The following RBPJ variants were observed in gnomAD, a reference collection of about 807,000 sequenced individuals.
RBPJ encodes the protein recombining binding protein suppressor of hairless.
In RBPJ, 9 loss-of-function variants were observed where a neutral mutation model predicts 67.8. The observed-to-expected ratio is 0.13, with a 90% CI of 0.08 to 0.23. The LOEUF (loss-of-function observed/expected upper bound fraction) is 0.23. Among genes scored for constraint, RBPJ ranks in the 10% least tolerant of loss-of-function variants. The pLI is 1.00. For synonymous variants in RBPJ, 198 were observed against 203.3 expected, an observed-to-expected ratio of 0.97 and a Z score of 0.22; for missense variants, 305 against 595.6, an observed-to-expected ratio of 0.51 and a Z score of 5.08.
chr4:26,352,031 G>A (rs1278071725), intron 1 of RBPJ, among the ~76,000 whole-genome samples: 1 of 152,128 alleles, frequency 6.6e-6, no homozygotes, highest in Non-Finnish European at 1.5e-5. Context: ...TGATCTTTGT[G>A]TATTTAAATT....
At chr4:26,397,247 T>G (rs896981030) in intron 2 of RBPJ, among the ~76,000 whole-genome samples, 9 of 152,166 alleles carry the variant, frequency 5.9e-5, no homozygotes, top group African/African-American at 1.9e-4. Context: ...TGAGGCAGTG[T>G]AAAAGGCGAG....
intron 1 of RBPJ, among the ~76,000 whole-genome samples, chr4:26,243,213 G>GCAAAAAAACTCCGTCT (rs1427182897): frequency 1.6e-4 from 24 of 152,096 alleles, no homozygotes; most frequent in African/African-American, 5.8e-4. Context: ...GGCAACAAGA[G>GCAAAAAAACTCCGTCT]CAAAAAAACT....
Position 26,386,337 on chromosome 4 carries a change from ATT to A in RBPJ, c.21-6_21-5del, listed in dbSNP as rs56122711. 7.1e-4 allele frequency: 1,010 copies of A among 1,424,838 alleles called. No individual in the cohort carries two copies. Among genetic ancestry groups the A allele is most frequent in the Admixed American group, 2.2e-3 (117 of 52,136 alleles). The allele number at this position is 1,424,838 out of a possible 1,614,324, so 88.3% of individuals were successfully genotyped here. A position where few individuals can be genotyped will look rare whatever the true frequency, so the allele number is the denominator to read the frequency against. ...AAGCTTACTTAACTTTATTTTCTTT[ATT>A]TTTTTTTTTCCAGGAAATTTGGTGA... is the stretch of plus-strand genomic sequence containing the variant. On this transcript the variant is annotated splice_polypyrimidine_tract_variant and intron_variant, in intron 1 of 10. Transcript: ENST00000355476.
intron 3 of RBPJ, 113 bp downstream of exon 3, chr4:26,406,383 A>G: frequency 1.5e-6 from 1 of 666,642 alleles, no homozygotes; most frequent in Non-Finnish European, 2.7e-6. Flanking sequence ...ATTTGCTAGT[A>G]CAAAATAAAA....
At position 26,222,015 on chromosome 4, in the gene RBPJ, C is replaced by T. The variant is rs144683676; in HGVS notation, c.-167+58401C>T. 1.8e-3 allele frequency among the ~76,000 whole-genome samples: 279 copies of T among 152,178 alleles called. 1 individual carries two copies. The highest frequency in any genetic ancestry group is 3.2e-3 in the Non-Finnish European group (219 of 67,996). On this transcript the variant is annotated intron_variant, in intron 1 of 4. Coordinates refer to the RBPJ transcript ENST00000512351. ...AATGGGTAGCAATTTCTAGAGACAC[C>T]TCCGGTTTATGGGTGTCACTCTCCA...
chr4:26,408,375 C>T (rs1229553997), intron 3 of RBPJ, among the ~76,000 whole-genome samples: 2 of 150,574 alleles, frequency 1.3e-5, no homozygotes, highest in Non-Finnish European at 3.0e-5. Flanking sequence ...CATAGCGTAC[C>T]AACTCAAATT....
At chr4:26,195,137 G>A (rs1299538206) in intron 1 of RBPJ, among the ~76,000 whole-genome samples, 3 of 152,224 alleles carry the variant, frequency 2.0e-5, no homozygotes, top group African/African-American at 4.8e-5. Flanking sequence ...GGGAGGTCAA[G>A]GTGGGAGGAT....
the RBPJ span, among the ~76,000 whole-genome samples, chr4:26,138,302 T>C: frequency 6.6e-6 from 1 of 152,022 alleles, no homozygotes; most frequent in Admixed American, 6.6e-5. Context: ...TACAGCAGGA[T>C]GCCTGGTTAC....
At chr4:26,250,095 T>A (rs1720058774) in intron 1 of RBPJ, among the ~76,000 whole-genome samples, 2 of 151,652 alleles carry the variant, frequency 1.3e-5, no homozygotes, top group East Asian at 3.9e-4. Flanking sequence ...CTTCCGAACT[T>A]TTTCATCATT....
At chr4:26,387,871 G>T (rs1731082475) in intron 2 of RBPJ, among the ~76,000 whole-genome samples, 1 of 152,164 alleles carries the variant, frequency 6.6e-6, no homozygotes, top group African/African-American at 2.4e-5. Flanking sequence ...GTGCTCAGAA[G>T]GGTTTTGTTT....
At chr4:26,301,597 A>C (rs1194400649) in intron 1 of RBPJ, among the ~76,000 whole-genome samples, 2 of 151,620 alleles carry the variant, frequency 1.3e-5, no homozygotes, top group African/African-American at 4.8e-5. Flanking sequence ...GTCTCAAAAA[A>C]AAAAAAAGAA....
intron 1 of RBPJ, among the ~76,000 whole-genome samples, chr4:26,354,559 C>T (rs1249319522): frequency 6.6e-6 from 1 of 150,436 alleles, no homozygotes; most frequent in Non-Finnish European, 1.5e-5. Flanking sequence ...AACCGATTCT[C>T]CTGCTTCAGC....
At chr4:26,371,729 G>GT in intron 1 of RBPJ, among the ~76,000 whole-genome samples, 1 of 152,300 alleles carries the variant, frequency 6.6e-6, no homozygotes, top group Middle Eastern at 3.4e-3. Context: ...GGATTCAACA[G>GT]TTTTGGTTTG....
At chr4:26,154,912 G>A in the RBPJ span, among the ~76,000 whole-genome samples, 23 of 152,240 alleles carry the variant, frequency 1.5e-4, 1 homozygote, top group Admixed American at 2.6e-4. Flanking sequence ...GATCCACCCC[G>A]TGATGTAATA....
At chr4:26,321,883 T>C (rs1723118305) in intron 1 of RBPJ, 1 of 152,272 alleles carries the variant, frequency 6.6e-6, no homozygotes, top group Admixed American at 6.5e-5. Flanking sequence ...TTTGTTGTTT[T>C]GTGGGTCTGA....
chr4:26,204,000 A>G (rs1303498956), intron 1 of RBPJ, among the ~76,000 whole-genome samples: 1 of 152,158 alleles, frequency 6.6e-6, no homozygotes, highest in Non-Finnish European at 1.5e-5. Context: ...GCTGGAGTGT[A>G]GTGGTGTGAT....
intron 1 of RBPJ, among the ~76,000 whole-genome samples, chr4:26,182,441 T>A (rs542615868): frequency 6.0e-4 from 91 of 152,230 alleles, no homozygotes; most frequent in South Asian, 1.2e-3. Flanking sequence ...TTTCCTTATA[T>A]CCTTATTCTA....
chr4:26,272,419 T>TA (rs1720946076), intron 1 of RBPJ, among the ~76,000 whole-genome samples: 1 of 151,848 alleles, frequency 6.6e-6, no homozygotes, highest in East Asian at 1.9e-4. Flanking sequence ...AATTTTTTTT[T>TA]AATTAGTCAG....
chr4:26,136,952 A>G, the RBPJ span, among the ~76,000 whole-genome samples: 1 of 152,338 alleles, frequency 6.6e-6, no homozygotes, highest in Admixed American at 6.5e-5. Context: ...CCACGTAAAC[A>G]TCTTCAAGAG....
Sources: allele counts gnomAD v4.1 joint callset (sites outside exome capture counted in the v4.1 genomes callset), GRCh38; gene constraint gnomAD v4.1.1; transcripts MANE v1.5; gene names NCBI Gene and HGNC (gene_info 2026-07-23, HGNC 2026-07-21).